Variants in GPCPD1 observed in about 807,000 individuals in gnomAD.
GPCPD1 encodes the protein glycerophosphocholine phosphodiesterase GPCPD1.
In GPCPD1, 29 loss-of-function variants were observed where a neutral mutation model predicts 89.2. That is an observed-to-expected ratio of 0.33 (90% confidence interval 0.24 to 0.44). The LOEUF (loss-of-function observed/expected upper bound fraction) is 0.44. Ranked by LOEUF, GPCPD1 falls within the 20% of genes least tolerant of loss-of-function variation. The pLI, the probability that GPCPD1 is intolerant of heterozygous loss-of-function variation, is 1.00. For missense variants in GPCPD1, 594 were observed against 808.9 expected (o/e 0.73, Z 3.22); for synonymous variants, 258 against 266.3 (o/e 0.97, Z 0.30).
At chr20:5,580,553 G>A (rs1372470156) in intron 6 of GPCPD1, among the ~76,000 whole-genome samples, 6 of 151,782 alleles carry the variant, frequency 4.0e-5, no homozygotes, top group African/African-American at 7.2e-5. Flanking sequence ...GTGAAGCCCC[G>A]TCTCTACTAC....
intron 11 of GPCPD1, among the ~76,000 whole-genome samples, chr20:5,573,067 C>G (rs1184751527): frequency 1.4e-5 from 2 of 148,118 alleles, no homozygotes; most frequent in African/African-American, 2.5e-5. Context: ...TACATAAAAT[C>G]ACCATCAAAT....
In GPCPD1 at chr20:5,547,571, A is replaced by G; in HGVS notation, c.*90T>C. 5 of 646,376 alleles carry G rather than the reference A, an allele frequency of 7.7e-6. No homozygotes were observed. Among genetic ancestry groups the G allele is most frequent in the African/African-American group, 1.8e-5 (1 of 55,670 alleles). 40.0% of individuals were successfully genotyped at this position (646,376 alleles called of 1,614,324 possible). On this transcript the variant is annotated 3_prime_UTR_variant, in exon 20 of 20. Transcript: ENST00000379019. Reference sequence around the variant, plus strand: ...ATTGCTTCATTGAACTGAGAAGCCCAAAAGGCATAGATCAACAATGCTCAG... The same window carrying G: ...ATTGCTTCATTGAACTGAGAAGCCCGAAAGGCATAGATCAACAATGCTCAG...
In GPCPD1 at chr20:5,610,845, CG is replaced by C; in HGVS notation, c.-33del. ...CGCACCCGGCTCGCTGCCTCACCTCCGGGTTCGCTAGTCCGCAGGTCCGCGT... is the reference window on the plus strand; with the variant it reads ...CGCACCCGGCTCGCTGCCTCACCTCCGGTTCGCTAGTCCGCAGGTCCGCGT... On this transcript the variant is annotated 5_prime_UTR_variant, in exon 1 of 20. Transcript: ENST00000379019. The C allele has an allele frequency of 6.6e-6, 1 of 151,640 alleles. No homozygotes were observed. Among genetic ancestry groups the C allele is most frequent in the Non-Finnish European group, 1.5e-5 (1 of 67,886 alleles). The allele number at this position is 151,640 out of a possible 1,614,324, so 9.4% of individuals were successfully genotyped here.
At chr20:5,557,616 G>T (rs935000720) in intron 19 of GPCPD1, among the ~76,000 whole-genome samples, 2 of 152,192 alleles carry the variant, frequency 1.3e-5, no homozygotes, top group African/African-American at 4.8e-5. Flanking sequence ...TGAGAACACA[G>T]AAAGTTATGA....
Position 5,547,719 on chromosome 20 carries a change from C to A in GPCPD1, c.1961G>T (p.Cys654Phe). ...TVSRFVPSSL[C>F]GESDIHVDAN... is the part of the protein sequence containing the mutation. ...ATCCACATGGATATCAGACTCCCCA[C>A]ACAAAGATGAGGGAACAAAGCGGCT... is the stretch of plus-strand genomic sequence containing the variant. The change falls in exon 20 of 20, where the codon TGT becomes TTT. Residue 654 changes from cysteine (C) to phenylalanine (F), a missense_variant. Cys to Phe is a radical substitution (Grantham distance 205, BLOSUM62 -2). Transcript: ENST00000379019. The A allele has an allele frequency of 6.2e-7, 1 of 1,611,640 alleles. No individual in the cohort carries two copies. Among genetic ancestry groups the A allele is most frequent in the Non-Finnish European group, 8.5e-7 (1 of 1,178,004 alleles).
chr20:5,575,940 A>G lies in GPCPD1; in HGVS notation c.744T>C (p.Leu248=), dbSNP rs371467364. 9 of 1,605,506 alleles carry G rather than the reference A, an allele frequency of 5.6e-6. No homozygotes were observed. Among genetic ancestry groups the G allele is most frequent in the African/African-American group, 2.7e-5 (2 of 74,734 alleles). Residue 248 remains leucine (L), a synonymous_variant, in exon 9 of 20, where the codon CTT becomes CTC. Coordinates refer to ENST00000379019, the MANE Select transcript of GPCPD1 (RefSeq NM_019593.5). ...GACAAGCTGTACCCACATGTCCAGG[A>G]AGGGCATCACCCTGAACTACGTGCT... ...LSEHVVQGDA[L]PGHVGTACLL...
At chr20:5,563,989 C>T (rs1664075352) in intron 15 of GPCPD1, among the ~76,000 whole-genome samples, 1 of 152,102 alleles carries the variant, frequency 6.6e-6, no homozygotes, top group African/African-American at 2.4e-5. Context: ...TAATAGTAAA[C>T]TAAAACTACC....
Position 5,575,935 on chromosome 20 carries a change from C to T in GPCPD1, c.749G>A (p.Gly250Glu). The T allele has an allele frequency of 6.2e-7, 1 of 1,604,400 alleles. No homozygotes were observed. Among genetic ancestry groups the T allele is most frequent in the South Asian group, 1.1e-5 (1 of 90,772 alleles). Residue 250 changes from glycine (G) to glutamate (E), a missense_variant, in exon 9 of 20, where the codon GGA (glycine) becomes GAA (glutamate). Physicochemically the swap from Gly to Glu is moderately conservative, Grantham distance 98 (BLOSUM62 -2). Coordinates refer to ENST00000379019, the MANE Select transcript of GPCPD1 (RefSeq NM_019593.5). ...TAAGAGACAAGCTGTACCCACATGT[C>T]CAGGAAGGGCATCACCCTGAACTAC... ...EHVVQGDALP[G>E]HVGTACLLSS...
intron 13 of GPCPD1, among the ~76,000 whole-genome samples, chr20:5,567,244 T>A (rs1986437583): frequency 1.3e-5 from 2 of 152,310 alleles, no homozygotes; most frequent in Non-Finnish European, 2.9e-5. Flanking sequence ...TACAAAAACT[T>A]ATGGTCTAGT....
At chr20:5,554,993 T>C (rs547255919) in intron 19 of GPCPD1, among the ~76,000 whole-genome samples, 17 of 152,258 alleles carry the variant, frequency 1.1e-4, no homozygotes, top group East Asian at 5.8e-4. Flanking sequence ...GTGGTGGAAA[T>C]AGAAAGAGAC....
intron 6 of GPCPD1, among the ~76,000 whole-genome samples, chr20:5,581,813 ACTTTTTTTT>A (rs1450705130): frequency 1.2e-5 from 1 of 82,810 alleles, no homozygotes; most frequent in Non-Finnish European, 2.2e-5. Flanking sequence ...TGGGACTTTA[ACTTTTTTTT>A]TTTTTTTTTT....
In GPCPD1 at chr20:5,547,462, G is replaced by C. The variant is rs777912664; in HGVS notation, c.*199C>G. 3 of 360,426 alleles carry C rather than the reference G, an allele frequency of 8.3e-6. No homozygotes were observed. The highest frequency in any genetic ancestry group is 1.5e-5 in the Non-Finnish European group (3 of 201,560). The allele number at this position is 360,426 out of a possible 1,614,324, so 22.3% of individuals were successfully genotyped here. Reference sequence around the variant, plus strand: ...AACCAATAAATTTTCTCACTATAAAGAGACTGACTGGCAATTATACCTGGC... The same window carrying C: ...AACCAATAAATTTTCTCACTATAAACAGACTGACTGGCAATTATACCTGGC... On this transcript the variant is annotated 3_prime_UTR_variant, in exon 20 of 20. Transcript: ENST00000379019.
intron 12 of GPCPD1, chr20:5,567,781 T>G: frequency 2.5e-6 from 1 of 403,972 alleles, no homozygotes; most frequent in Non-Finnish European, 4.3e-6. Context: ...TTCATTTTTA[T>G]TGCAGTGTAG....
chr20:5,565,471 C>T (rs1986349658), intron 14 of GPCPD1, among the ~76,000 whole-genome samples: 2 of 152,120 alleles, frequency 1.3e-5, no homozygotes. Flanking sequence ...TCAAGCAATT[C>T]TCCCAACTTG....
chr20:5,578,944 T>C (rs7267544), intron 7 of GPCPD1, among the ~76,000 whole-genome samples: 45,188 of 151,920 alleles, frequency 0.3, 7,275 homozygotes, highest in Middle Eastern at 0.39. Flanking sequence ...TCCCAGAACT[T>C]TGGGAAGCTG....
intron 3 of GPCPD1, among the ~76,000 whole-genome samples, chr20:5,595,001 T>C (rs779370301): frequency 6.6e-6 from 1 of 152,210 alleles, no homozygotes; most frequent in East Asian, 1.9e-4. Context: ...AGTTAATCAA[T>C]GTAGTAAACT....
chr20:5,594,042 T>C (rs980931673), intron 3 of GPCPD1, among the ~76,000 whole-genome samples: 3 of 152,254 alleles, frequency 2.0e-5, no homozygotes, highest in Non-Finnish European at 4.4e-5. Context: ...CTCTGAACTA[T>C]GTTATTCTAA....
At chr20:5,605,767 T>C (rs1980542396) in intron 1 of GPCPD1, among the ~76,000 whole-genome samples, 1 of 151,904 alleles carries the variant, frequency 6.6e-6, no homozygotes, top group South Asian at 2.1e-4. Flanking sequence ...GAAAAAACTT[T>C]CTACACAAAT....
At position 5,582,186 on chromosome 20, in the gene GPCPD1, CAAAAAAAAAAAAAA is replaced by C. The variant is rs1164754193; in HGVS notation, c.350-2069_350-2056del. ...GGGCGACAGAGCGAGACTCCCGTCT[CAAAAAAAAAAAAAA>C]AAAAAAAAAAAAAAAAAAACTACTA... is the stretch of plus-strand genomic sequence containing the variant. On this transcript the variant is annotated intron_variant, in intron 6 of 19. Coordinates refer to ENST00000379019, the MANE Select transcript of GPCPD1 (RefSeq NM_019593.5). Among the ~76,000 whole-genome samples, 50 of 36,282 alleles carry C rather than the reference CAAAAAAAAAAAAAA, an allele frequency of 1.4e-3. No homozygotes were observed. The South Asian group carries it at 0.048, about 35-fold the overall frequency. 23.8% of individuals were successfully genotyped at this position (36,282 alleles called of 152,430 possible).
Sources: gnomAD v4.1 joint callset for allele counts (sites outside exome capture counted in the v4.1 genomes callset) on GRCh38, gnomAD v4.1.1 for gene constraint, MANE v1.5 for transcripts, NCBI Gene and HGNC (gene_info 2026-07-23, HGNC 2026-07-21) for gene names.